Variants in PPARGC1A observed in about 807,000 individuals in gnomAD.
The protein encoded by PPARGC1A is PPARG coactivator 1 alpha, also known as peroxisome proliferator-activated receptor gamma coactivator 1-alpha.
Under a neutral mutation model 88.7 loss-of-function variants are expected in PPARGC1A, and 25 were observed. That is an observed-to-expected ratio of 0.28 (90% CI 0.21 to 0.39). The LOEUF (loss-of-function observed/expected upper bound fraction) is 0.39. PPARGC1A is among the 10% of genes least tolerant of loss of function. The pLI, the probability that PPARGC1A is intolerant of heterozygous loss-of-function variation, is 1.00. For missense variants in PPARGC1A, 880 were observed against 968.7 expected (o/e 0.91, Z 1.22); for synonymous variants, 363 against 355.6 (o/e 1.02, Z -0.24).
At chr4:24,176,945 A>C in the PPARGC1A span, among the ~76,000 whole-genome samples, 1 of 152,320 alleles carries the variant, frequency 6.6e-6, no homozygotes, top group African/African-American at 2.4e-5. Context: ...CCAGATGGTA[A>C]GTTCCTTGAG....
intron 7 of PPARGC1A, among the ~76,000 whole-genome samples, chr4:23,822,113 A>G (rs1404872625): frequency 6.6e-6 from 1 of 152,142 alleles, no homozygotes; most frequent in African/African-American, 2.4e-5. Context: ...ACTGAGGTGT[A>G]CAAGAGATCA....
At chr4:24,177,180 T>G in the PPARGC1A span, among the ~76,000 whole-genome samples, 1 of 152,178 alleles carries the variant, frequency 6.6e-6, no homozygotes, top group Admixed American at 6.5e-5. Context: ...ATGTTTATTG[T>G]GGCACTATTC....
the PPARGC1A span, among the ~76,000 whole-genome samples, chr4:23,929,168 A>G: frequency 2.6e-4 from 39 of 152,276 alleles, no homozygotes; most frequent in African/African-American, 8.9e-4. Context: ...ATGAATAAAT[A>G]AATAAATAAA....
the PPARGC1A span, among the ~76,000 whole-genome samples, chr4:23,982,559 C>A: frequency 6.6e-6 from 1 of 152,064 alleles, no homozygotes; most frequent in African/African-American, 2.4e-5. Context: ...AGTGTGAGCT[C>A]AGCTAAAATT....
chr4:24,353,059 G>C, the PPARGC1A span, among the ~76,000 whole-genome samples: 1 of 152,182 alleles, frequency 6.6e-6, no homozygotes, highest in African/African-American at 2.4e-5. Flanking sequence ...ATGGCGGGTG[G>C]AGGATCCTGG....
chr4:24,129,133 A>C, the PPARGC1A span, among the ~76,000 whole-genome samples: 1 of 152,222 alleles, frequency 6.6e-6, no homozygotes, highest in Admixed American at 6.5e-5. Flanking sequence ...TGTCATCTGA[A>C]GCATGCATAT....
At chr4:24,468,570 A>G in the PPARGC1A span, among the ~76,000 whole-genome samples, 1 of 152,144 alleles carries the variant, frequency 6.6e-6, no homozygotes, top group African/African-American at 2.4e-5. Flanking sequence ...GCTCTAATAC[A>G]CATTGGGCTC....
In PPARGC1A at chr4:23,884,693, G is replaced by A. The variant is rs1560511762; in HGVS notation, c.234+59C>T. On this transcript the variant is annotated intron_variant, in intron 2 of 12. Coordinates refer to ENST00000264867, the MANE Select transcript of PPARGC1A (RefSeq NM_013261.5). ...ATTATGCATTCAGGTCTATTACCAT[G>A]TTAGTCGGGCCCAAGCCAAACTCAA... 4.0e-6 allele frequency: 6 copies of A among 1,487,320 alleles called. No homozygotes were observed. The East Asian group carries it at 1.4e-4, about 35-fold the overall frequency. The allele number at this position is 1,487,320 out of a possible 1,614,324, so 92.1% of individuals were successfully genotyped here.
intron 2 of PPARGC1A, among the ~76,000 whole-genome samples, chr4:23,853,753 C>T (rs146856148): frequency 4.6e-5 from 7 of 152,228 alleles, no homozygotes; most frequent in Admixed American, 6.5e-5. Context: ...GATAAAACAA[C>T]GATTTAATTT....
chr4:23,991,875 GA>G, the PPARGC1A span, among the ~76,000 whole-genome samples: 1 of 151,878 alleles, frequency 6.6e-6, no homozygotes, highest in Non-Finnish European at 1.5e-5. Context: ...GGAACGAAAA[GA>G]AAAAAATAGC....
At chr4:24,423,707 T>G in the PPARGC1A span, among the ~76,000 whole-genome samples, 3 of 152,252 alleles carry the variant, frequency 2.0e-5, no homozygotes, top group African/African-American at 7.2e-5. Flanking sequence ...ATTTGCACAT[T>G]AGTATGAATA....
chr4:24,137,676 A>G, the PPARGC1A span, among the ~76,000 whole-genome samples: 1 of 152,114 alleles, frequency 6.6e-6, no homozygotes, highest in African/African-American at 2.4e-5. Context: ...CAGTGGGCAT[A>G]GAGAATCGCT....
the PPARGC1A span, among the ~76,000 whole-genome samples, chr4:24,375,134 C>G: frequency 6.6e-6 from 1 of 151,930 alleles, no homozygotes; most frequent in Admixed American, 6.6e-5. Flanking sequence ...TTTTCTTTTC[C>G]TAAGCCATTT....
chr4:24,177,629 A>C, the PPARGC1A span, among the ~76,000 whole-genome samples: 5 of 109,390 alleles, frequency 4.6e-5, no homozygotes, highest in Admixed American at 2.0e-4. Context: ...TTAAATAAAT[A>C]AATAAATAAA....
the PPARGC1A span, among the ~76,000 whole-genome samples, chr4:24,285,260 C>T: frequency 2.0e-5 from 3 of 152,174 alleles, no homozygotes; most frequent in African/African-American, 7.2e-5. Flanking sequence ...CTGTATCCAT[C>T]AAGTCCTCCT....
the PPARGC1A span, among the ~76,000 whole-genome samples, chr4:24,439,647 G>A: frequency 6.6e-6 from 1 of 152,138 alleles, no homozygotes. Flanking sequence ...CAGAAGAAAC[G>A]GGAAGAATTC....
At chr4:24,284,128 C>T in the PPARGC1A span, among the ~76,000 whole-genome samples, 4 of 101,022 alleles carry the variant, frequency 4.0e-5, no homozygotes, top group African/African-American at 1.6e-4. Context: ...ACTAAAAATA[C>T]CAAAAAAAAA....
chr4:24,350,887 T>C, the PPARGC1A span, among the ~76,000 whole-genome samples: 1 of 152,210 alleles, frequency 6.6e-6, no homozygotes, highest in South Asian at 2.1e-4. Flanking sequence ...CCCAGCACTT[T>C]GGGAGGTGGG....
intron 1 of PPARGC1A, among the ~76,000 whole-genome samples, chr4:23,887,602 G>A (rs950660350): frequency 2.2e-4 from 34 of 152,250 alleles, no homozygotes; most frequent in African/African-American, 7.7e-4. Context: ...GCTAATTATT[G>A]TATGTTATTT....
Sources: gnomAD v4.1 joint callset for allele counts (sites outside exome capture counted in the v4.1 genomes callset) on GRCh38, gnomAD v4.1.1 for gene constraint, MANE v1.5 for transcripts, NCBI Gene and HGNC (gene_info 2026-07-23, HGNC 2026-07-21) for gene names.